MTUS2: variants seen among roughly 807,000 people sequenced by gnomAD.
MTUS2 encodes microtubule-associated tumor suppressor candidate 2.
MTUS2 carries 40 observed loss-of-function variants against 114.1 expected under a neutral mutation model. The ratio of observed to expected loss-of-function variants is 0.35; its 90% CI spans 0.27 to 0.46. MTUS2 has a LOEUF of 0.46. MTUS2 is among the 20% of genes least tolerant of loss of function. The pLI, the probability that MTUS2 is intolerant of heterozygous loss-of-function variation, is 1.00. For synonymous variants in MTUS2, 688 were observed against 672.0 expected (o/e 1.02, Z -0.37); for missense variants, 1,679 against 1,705.4 (o/e 0.98, Z 0.27).
intron 8 of MTUS2, among the ~76,000 whole-genome samples, chr13:29,375,882 T>C (rs1456803630): frequency 6.6e-6 from 1 of 151,412 alleles, no homozygotes; most frequent in Non-Finnish European, 1.5e-5. Context: ...ATACTACATA[T>C]TGGGTACAAT....
chr13:28,993,520 C>G (rs760715658), intron 2 of MTUS2, among the ~76,000 whole-genome samples: 1 of 152,080 alleles, frequency 6.6e-6, no homozygotes, highest in Non-Finnish European at 1.5e-5. Flanking sequence ...CCTAGGTTTT[C>G]TTTTAGGATT....
At chr13:28,898,377 C>T (rs1879416612) in intron 2 of MTUS2, among the ~76,000 whole-genome samples, 1 of 152,158 alleles carries the variant, frequency 6.6e-6, no homozygotes, top group Admixed American at 6.5e-5. Context: ...TTTCTTGTCT[C>T]AGCTTCACCA....
At chr13:29,189,631 A>G (rs1894366398) in intron 5 of MTUS2, among the ~76,000 whole-genome samples, 2 of 151,872 alleles carry the variant, frequency 1.3e-5, no homozygotes, top group African/African-American at 4.8e-5. Flanking sequence ...GCTCTTTTAT[A>G]CTGTTCCACC....
intron 2 of MTUS2, among the ~76,000 whole-genome samples, chr13:28,917,597 T>A: frequency 6.6e-6 from 1 of 151,742 alleles, no homozygotes; most frequent in Non-Finnish European, 1.5e-5. Flanking sequence ...ATTTTATTTG[T>A]TCGGGTAGTC....
At chr13:29,368,554 T>A (rs560846313) in intron 8 of MTUS2, among the ~76,000 whole-genome samples, 1 of 152,182 alleles carries the variant, frequency 6.6e-6, no homozygotes, top group Admixed American at 6.5e-5. Flanking sequence ...AATTCCCTGA[T>A]TGGATCATTA....
At chr13:29,381,668 C>T (rs7322082) in intron 8 of MTUS2, among the ~76,000 whole-genome samples, 23,628 of 152,048 alleles carry the variant, frequency 0.16, 2,632 homozygotes, top group African/African-American at 0.32. Flanking sequence ...ACATCAAAGC[C>T]CACGTTCATC....
intron 5 of MTUS2, chr13:29,239,306 G>T (rs1460466566): frequency 6.6e-6 from 1 of 152,132 alleles, no homozygotes; most frequent in African/African-American, 2.4e-5. Context: ...AATTTATTTT[G>T]TTCTATTTTA....
At chr13:29,106,898 C>T (rs1304112952) in intron 5 of MTUS2, among the ~76,000 whole-genome samples, 1 of 151,960 alleles carries the variant, frequency 6.6e-6, no homozygotes, top group Non-Finnish European at 1.5e-5. Context: ...ATGACCTGGC[C>T]CTCCCACCTT....
intron 6 of MTUS2, among the ~76,000 whole-genome samples, chr13:29,321,009 T>C (rs7331650): frequency 0.059 from 9,019 of 152,234 alleles, 897 homozygotes; most frequent in African/African-American, 0.21. Context: ...TGAGAAGAAG[T>C]TAACCAGCTC....
intron 7 of MTUS2, among the ~76,000 whole-genome samples, chr13:29,328,368 T>G (rs980729892): frequency 1.3e-5 from 2 of 152,208 alleles, no homozygotes; most frequent in Non-Finnish European, 2.9e-5. Flanking sequence ...CAGGGAGACA[T>G]GAATTGCAGG....
intron 2 of MTUS2, among the ~76,000 whole-genome samples, chr13:28,922,184 C>T (rs1425532605): frequency 2.0e-5 from 3 of 152,164 alleles, no homozygotes; most frequent in African/African-American, 7.2e-5. Context: ...TGCTTGCTTC[C>T]CCTTCACGCT....
At chr13:29,239,014 A>T (rs182514492) in intron 5 of MTUS2, among the ~76,000 whole-genome samples, 4 of 152,266 alleles carry the variant, frequency 2.6e-5, no homozygotes, top group Admixed American at 6.5e-5. Context: ...CAGGATGAAT[A>T]AGTTCTGGAG....
intron 5 of MTUS2, among the ~76,000 whole-genome samples, chr13:29,252,627 T>C (rs1897160507): frequency 6.6e-6 from 1 of 152,134 alleles, no homozygotes; most frequent in African/African-American, 2.4e-5. Flanking sequence ...TTGGCTCCCG[T>C]AATTCCCACG....
chr13:29,265,007 C>T (rs186171620), intron 5 of MTUS2, among the ~76,000 whole-genome samples: 21 of 152,332 alleles, frequency 1.4e-4, no homozygotes, highest in African/African-American at 4.6e-4. Context: ...GCCACATGAC[C>T]AGGCTGCAAA....
At chr13:29,209,387 G>A (rs536916331) in intron 5 of MTUS2, among the ~76,000 whole-genome samples, 29 of 151,936 alleles carry the variant, frequency 1.9e-4, no homozygotes, top group African/African-American at 5.8e-4. Context: ...CTTCCATTCT[G>A]TATCTTTTAA....
intron 4 of MTUS2, among the ~76,000 whole-genome samples, chr13:29,068,146 T>C (rs966208045): frequency 6.6e-6 from 1 of 152,232 alleles, no homozygotes; most frequent in African/African-American, 2.4e-5. Flanking sequence ...AATGATACCA[T>C]TGACCTTGGA....
intron 7 of MTUS2, among the ~76,000 whole-genome samples, chr13:29,328,480 G>T (rs1468246026): frequency 6.6e-6 from 1 of 152,238 alleles, no homozygotes; most frequent in Non-Finnish European, 1.5e-5. Context: ...GGGTTTTAGG[G>T]ATTCTTTAGT....
chr13:29,458,930 G>A (rs1190261219), intron 9 of MTUS2, among the ~76,000 whole-genome samples: 5 of 152,202 alleles, frequency 3.3e-5, no homozygotes, highest in Non-Finnish European at 5.9e-5. Context: ...GCTCCACAAC[G>A]GCATCAGGGA....
chr13:29,129,159 A>G (rs896972834), intron 5 of MTUS2, among the ~76,000 whole-genome samples: 1 of 145,656 alleles, frequency 6.9e-6, no homozygotes, highest in Non-Finnish European at 1.5e-5. Context: ...ATATTCAGGT[A>G]TTGGAATGGA....
Sources: gnomAD v4.1 joint callset for allele counts (sites outside exome capture counted in the v4.1 genomes callset) on GRCh38, gnomAD v4.1.1 for gene constraint, MANE v1.5 for transcripts, NCBI Gene and HGNC (gene_info 2026-07-23, HGNC 2026-07-21) for gene names.